NCR1: variants seen among roughly 807,000 people sequenced by gnomAD.
NCR1 encodes natural cytotoxicity triggering receptor 1, also known as NK cell-activating receptor.
A neutral mutation model predicts 32.5 loss-of-function variants in NCR1; 30 were observed. That is an observed-to-expected ratio of 0.92 (90% CI 0.69 to 1.25). The LOEUF (loss-of-function observed/expected upper bound fraction) is 1.25. NCR1 is among the 50% of genes most tolerant of loss of function. The pLI, the probability that NCR1 is intolerant of heterozygous loss-of-function variation, is 0.00. For synonymous variants in NCR1, 169 were observed against 143.4 expected (o/e 1.18, Z -1.28); for missense variants, 369 against 380.7 (o/e 0.97, Z 0.26).
chr19:54,934,750 C>T, the NCR1 span: 2 of 1,111,968 alleles, frequency 1.8e-6, no homozygotes, highest in South Asian at 1.6e-5. This position sits in a 1 kb window ranked among gnomAD's most constrained non-coding sequence, Gnocchi z 6.7. Context: ...CACTCTGTTG[C>T]CCAGTCTGGA....
the NCR1 span, among the ~76,000 whole-genome samples, chr19:54,927,345 C>T: frequency 1.3e-5 from 2 of 150,870 alleles, no homozygotes; most frequent in African/African-American, 4.9e-5. Context: ...CGCACCACTG[C>T]ACTCCAGCCT....
downstream of NCR1, among the ~76,000 whole-genome samples, chr19:54,918,982 TAAA>T (rs34795470): frequency 2.2e-5 from 3 of 134,210 alleles, no homozygotes; most frequent in Admixed American, 7.4e-5. Context: ...AAAACTGTCT[TAAA>T]AAAAAAAAAA....
At chr19:54,933,268 C>A in the NCR1 span, among the ~76,000 whole-genome samples, 1 of 152,102 alleles carries the variant, frequency 6.6e-6, no homozygotes, top group Non-Finnish European at 1.5e-5. Context: ...GTCTCATCCT[C>A]CCAAGTAGCT....
the NCR1 span, among the ~76,000 whole-genome samples, chr19:54,898,440 T>A: frequency 6.6e-6 from 1 of 152,210 alleles, no homozygotes; most frequent in Middle Eastern, 3.4e-3. Context: ...CTGGGGTTTG[T>A]CTCATCTGGA....
chr19:54,921,989 C>G, the NCR1 span, among the ~76,000 whole-genome samples: 3,458 of 151,806 alleles, frequency 0.023, 114 homozygotes, highest in African/African-American at 0.078. Flanking sequence ...CTCCGCCTCC[C>G]GGGTTCAAGC....
the NCR1 span, among the ~76,000 whole-genome samples, chr19:54,927,067 G>A: frequency 4.9e-4 from 73 of 148,420 alleles, no homozygotes; most frequent in African/African-American, 1.7e-3. Context: ...TCCAGCCTGG[G>A]CAACAGTGAG....
intron 2 of NCR1, 66 bp from the exon 3 acceptor site, chr19:54,906,457 C>T: frequency 6.3e-7 from 1 of 1,599,804 alleles, no homozygotes; most frequent in Non-Finnish European, 8.5e-7. Flanking sequence ...GGGCCAGCAG[C>T]TGGGTGGAGC....
the NCR1 span, chr19:54,934,739 T>G: frequency 4.2e-6 from 5 of 1,184,130 alleles, no homozygotes; most frequent in Non-Finnish European, 5.9e-6. The surrounding 1 kb of genome is among the most constrained non-coding windows in gnomAD (Gnocchi z 6.7). Flanking sequence ...AGACAGAGTT[T>G]CACTCTGTTG....
At chr19:54,936,989 C>A in the NCR1 span, among the ~76,000 whole-genome samples, 6 of 151,294 alleles carry the variant, frequency 4.0e-5, no homozygotes, top group Non-Finnish European at 7.4e-5. Flanking sequence ...GAGGCCGAGG[C>A]GGGTGGATCA....
At chr19:54,912,292 A>C in intron 6 of NCR1, 74 bp downstream of exon 6, 2 of 1,454,242 alleles carry the variant, frequency 1.4e-6, no homozygotes, top group Non-Finnish European at 1.9e-6. Context: ...AGGGAATCTA[A>C]ATGGGAACAA....
In NCR1 at chr19:54,910,001, T is replaced by G. The variant is rs1276136296; in HGVS notation, c.635-17T>G. 1 of 1,610,592 alleles carries G rather than the reference T, an allele frequency of 6.2e-7. No individual in the cohort carries two copies. Among genetic ancestry groups the G allele is most frequent in the Non-Finnish European group, 8.5e-7 (1 of 1,178,788 alleles). ...AACCAAAAACCCTTACTTTTTTTTC[T>G]TTATCTCCTTTTCCAGGCGACATTG... On this transcript the variant is annotated splice_polypyrimidine_tract_variant and intron_variant, in intron 4 of 6. Coordinates refer to ENST00000291890, the MANE Select transcript of NCR1 (RefSeq NM_004829.7).
chr19:54,936,191 T>C, the NCR1 span: 31 of 1,424,304 alleles, frequency 2.2e-5, no homozygotes, highest in Non-Finnish European at 3.0e-5. Flanking sequence ...TTACCCTTTT[T>C]CCTAGATCCC....
At chr19:54,926,079 T>C in the NCR1 span, among the ~76,000 whole-genome samples, 2 of 150,794 alleles carry the variant, frequency 1.3e-5, no homozygotes, top group Non-Finnish European at 1.5e-5. Flanking sequence ...AAATAAAAAA[T>C]ACAAATAAGT....
At chr19:54,924,531 A>G in the NCR1 span, among the ~76,000 whole-genome samples, 21,499 of 151,998 alleles carry the variant, frequency 0.14, 1,982 homozygotes, top group East Asian at 0.32. Flanking sequence ...GGCGGAGGCA[A>G]GAGGATCACT....
chr19:54,929,613 G>A, the NCR1 span, among the ~76,000 whole-genome samples: 1 of 152,058 alleles, frequency 6.6e-6, no homozygotes, highest in African/African-American at 2.4e-5. Context: ...GGTTTATGAG[G>A]TGGGGCAGGC....
upstream of NCR1, among the ~76,000 whole-genome samples, chr19:54,902,213 GGGGAGA>G (rs1314394550): frequency 1.2e-4 from 18 of 152,222 alleles, no homozygotes; most frequent in African/African-American, 4.1e-4. Context: ...CACTTTCTTC[GGGGAGA>G]GAGGGAGAGG....
At chr19:54,906,460 G>A in intron 2 of NCR1, 63 bp from the exon 3 acceptor site, 1 of 1,599,920 alleles carries the variant, frequency 6.3e-7, no homozygotes, top group Non-Finnish European at 8.5e-7. Context: ...CCAGCAGCTG[G>A]GTGGAGCCTA....
At chr19:54,926,263 G>A in the NCR1 span, among the ~76,000 whole-genome samples, 1 of 151,290 alleles carries the variant, frequency 6.6e-6, no homozygotes, top group Admixed American at 6.6e-5. Context: ...CTTCCAGTCT[G>A]TACTCCAGGA....
At chr19:54,919,703 G>A (rs2068205567), downstream of NCR1, among the ~76,000 whole-genome samples, 1 of 142,046 alleles carries the variant, frequency 7.0e-6, no homozygotes, top group African/African-American at 2.7e-5. Context: ...AACTCCCCCG[G>A]GGAAAGGGAG....
Sources: gnomAD v4.1 joint callset for allele counts (sites outside exome capture counted in the v4.1 genomes callset) on GRCh38, gnomAD v4.1.1 for gene constraint, Gnocchi (gnomAD v3.1) non-coding constraint, MANE v1.5 for transcripts, NCBI Gene and HGNC (gene_info 2026-07-23, HGNC 2026-07-21) for gene names.